Variants in DYNC1I1 observed in about 807,000 individuals in gnomAD.
DYNC1I1 encodes dynein cytoplasmic 1 intermediate chain 1.
A neutral mutation model predicts 86.6 loss-of-function variants in DYNC1I1; 43 were observed. That is an observed-to-expected ratio of 0.50 (90% CI 0.39 to 0.64). The LOEUF (loss-of-function observed/expected upper bound fraction) is 0.64, where lower values mean the gene tolerates loss of function less well. Among genes scored for constraint, DYNC1I1 ranks in the 30% least tolerant of loss-of-function variants. The pLI is 0.00. For missense variants in DYNC1I1, 604 were observed against 788.8 expected (o/e 0.77, Z 2.81); for synonymous variants, 262 against 283.7 (o/e 0.92, Z 0.77).
chr7:95,859,974 A>C (rs918465329), intron 5 of DYNC1I1, among the ~76,000 whole-genome samples: 2 of 152,264 alleles, frequency 1.3e-5, no homozygotes, highest in East Asian at 1.9e-4. Context: ...GGGTAATATA[A>C]AACTGTCCCT....
At chr7:96,056,958 A>AT (rs1472364854) in intron 14 of DYNC1I1, among the ~76,000 whole-genome samples, 1 of 152,192 alleles carries the variant, frequency 6.6e-6, no homozygotes, top group Non-Finnish European at 1.5e-5. Flanking sequence ...TGATAATTGC[A>AT]TTACTTGCTT....
intron 6 of DYNC1I1, among the ~76,000 whole-genome samples, chr7:95,884,446 A>G (rs529596740): frequency 2.6e-4 from 40 of 151,362 alleles, no homozygotes; most frequent in African/African-American, 9.5e-4. Context: ...TGTGTTGCCC[A>G]GACTGGAGTC....
chr7:95,813,762 G>A (rs978285467), intron 4 of DYNC1I1, among the ~76,000 whole-genome samples: 1 of 152,124 alleles, frequency 6.6e-6, no homozygotes, highest in African/African-American at 2.4e-5. Flanking sequence ...AATTTTTCAA[G>A]TGAGTTATTT....
At chr7:96,085,370 T>C (rs954880995) in intron 16 of DYNC1I1, among the ~76,000 whole-genome samples, 2 of 152,172 alleles carry the variant, frequency 1.3e-5, no homozygotes, top group Non-Finnish European at 2.9e-5. Context: ...TCTCCCTTTT[T>C]TTTTTCTTTT....
Position 95,986,343 on chromosome 7 carries a change from A to T in DYNC1I1, c.744-713A>T, listed in dbSNP as rs1210404724. 5.3e-5 allele frequency among the ~76,000 whole-genome samples: 8 copies of T among 152,142 alleles called. No individual in the cohort carries two copies. The East Asian group carries it at 1.5e-3, about 29-fold the overall frequency. ...CCTGGTCCAGAACAAACATTACTCGATGTAAATACTCAGCTTGTGGAGCAG... is the reference window on the plus strand; with the variant it reads ...CCTGGTCCAGAACAAACATTACTCGTTGTAAATACTCAGCTTGTGGAGCAG... On this transcript the variant is annotated intron_variant, in intron 8 of 16. Transcript: ENST00000447467.
intron 10 of DYNC1I1, among the ~76,000 whole-genome samples, chr7:96,023,452 A>C (rs1389706176): frequency 6.6e-6 from 1 of 152,166 alleles, no homozygotes; most frequent in Non-Finnish European, 1.5e-5. Flanking sequence ...CACCCTGGGC[A>C]TCTGGGTCTG....
intron 6 of DYNC1I1, among the ~76,000 whole-genome samples, chr7:95,952,753 A>G (rs1792594117): frequency 6.6e-6 from 1 of 152,094 alleles, no homozygotes; most frequent in African/African-American, 2.4e-5. Context: ...AAAAAGCTTC[A>G]ATATGTTTTT....
chr7:95,934,055 A>G (rs1320500874), intron 6 of DYNC1I1, among the ~76,000 whole-genome samples: 1 of 152,116 alleles, frequency 6.6e-6, no homozygotes, highest in Non-Finnish European at 1.5e-5. Context: ...TGCTAGCAAT[A>G]ATTGCCTGGT....
intron 6 of DYNC1I1, among the ~76,000 whole-genome samples, chr7:95,968,398 G>A (rs374770888): frequency 1.3e-5 from 2 of 152,222 alleles, no homozygotes; most frequent in African/African-American, 4.8e-5. Flanking sequence ...TCTTAGGTAT[G>A]GAAGGTACCA....
At chr7:95,988,272 G>A (rs1793646716) in intron 9 of DYNC1I1, among the ~76,000 whole-genome samples, 1 of 152,124 alleles carries the variant, frequency 6.6e-6, no homozygotes. Context: ...AGCTATTCGG[G>A]AGGCTGAGGC....
intron 14 of DYNC1I1, among the ~76,000 whole-genome samples, chr7:96,067,780 C>T (rs1790038707): frequency 6.6e-6 from 1 of 152,046 alleles, no homozygotes; most frequent in South Asian, 2.1e-4. Flanking sequence ...GCTCCTTTAA[C>T]CAGAGTGGAA....
At chr7:95,815,355 A>G (rs1794923612) in intron 4 of DYNC1I1, among the ~76,000 whole-genome samples, 1 of 152,162 alleles carries the variant, frequency 6.6e-6, no homozygotes, top group Non-Finnish European at 1.5e-5. Flanking sequence ...CTAGAAGTCA[A>G]TTAGTAAACC....
chr7:95,912,931 T>G (rs1216650177), intron 6 of DYNC1I1, among the ~76,000 whole-genome samples: 1 of 152,178 alleles, frequency 6.6e-6, no homozygotes, highest in Non-Finnish European at 1.5e-5. Flanking sequence ...TTGGAAATAG[T>G]TACTCCCCCA....
At chr7:95,880,550 C>T (rs1790426540) in intron 6 of DYNC1I1, among the ~76,000 whole-genome samples, 1 of 151,958 alleles carries the variant, frequency 6.6e-6, no homozygotes, top group Non-Finnish European at 1.5e-5. Flanking sequence ...TCAGGTCCAG[C>T]CTTACCTGTG....
intron 10 of DYNC1I1, among the ~76,000 whole-genome samples, chr7:96,000,403 A>G (rs2115785252): frequency 6.6e-6 from 1 of 152,330 alleles, no homozygotes; most frequent in East Asian, 1.9e-4. Context: ...GAATAAAATC[A>G]TGGAAAATTT....
intron 10 of DYNC1I1, among the ~76,000 whole-genome samples, chr7:96,001,884 T>G (rs1488515): frequency 0.15 from 22,911 of 152,188 alleles, 2,083 homozygotes; most frequent in East Asian, 0.35. Context: ...CAGTCCATAG[T>G]AATTGGTGAA....
intron 6 of DYNC1I1, among the ~76,000 whole-genome samples, chr7:95,877,497 A>C (rs1790341667): frequency 1.3e-5 from 2 of 152,202 alleles, no homozygotes; most frequent in African/African-American, 4.8e-5. Flanking sequence ...TCTTGGTGCA[A>C]AGATTTTGAC....
At chr7:95,886,895 G>C (rs966039308) in intron 6 of DYNC1I1, among the ~76,000 whole-genome samples, 1 of 152,218 alleles carries the variant, frequency 6.6e-6, no homozygotes, top group Non-Finnish European at 1.5e-5. Context: ...GGCAGAGGAA[G>C]TCAATGCCTC....
chr7:95,804,604 T>C (rs1278284412), intron 1 of DYNC1I1, 117 bp from the exon 2 acceptor site: 3 of 1,162,622 alleles, frequency 2.6e-6, no homozygotes, highest in Admixed American at 2.9e-5. Context: ...ATACAACCTC[T>C]TGTTGATCAT....
Sources: gnomAD v4.1 joint callset for allele counts (sites outside exome capture counted in the v4.1 genomes callset) on GRCh38, gnomAD v4.1.1 for gene constraint, MANE v1.5 for transcripts, NCBI Gene and HGNC (gene_info 2026-07-23, HGNC 2026-07-21) for gene names.